BRD4: variants seen among roughly 807,000 people sequenced by gnomAD.
BRD4 encodes the protein bromodomain-containing protein 4.
A neutral mutation model predicts 142.1 loss-of-function variants in BRD4; 16 were observed. That is an observed-to-expected ratio of 0.11 (90% confidence interval 0.08 to 0.17). The LOEUF (loss-of-function observed/expected upper bound fraction) is 0.17. Ranked by LOEUF, BRD4 falls within the 10% of genes least tolerant of loss-of-function variation. BRD4 has a pLI of 1.00. For synonymous variants in BRD4, 833 were observed against 707.5 expected, an observed-to-expected ratio of 1.18 and a Z score of -2.82; for missense variants, 1,424 against 1,810.9, an observed-to-expected ratio of 0.79 and a Z score of 3.88.
chr19:15,273,816 CTTTTTTTT>C lies in BRD4; in HGVS notation c.-34-691_-34-684del, dbSNP rs920676613. Among the ~76,000 whole-genome samples, 103 of 127,390 alleles carry C rather than the reference CTTTTTTTT, an allele frequency of 8.1e-4. 1 individual carries two copies. The East Asian group carries it at 0.015, about 19-fold the overall frequency. The allele number at this position is 127,390 out of a possible 152,430, so 83.6% of individuals were successfully genotyped here. A position where few individuals can be genotyped will look rare whatever the true frequency, so the allele number is the denominator to read the frequency against. Reference sequence around the variant, plus strand: ...GAATCCATACTAGACCTACCATTTTCTTTTTTTTTTTTTTTTTTCATCTCTAGTAATAA... The same window carrying C: ...GAATCCATACTAGACCTACCATTTTCTTTTTTTTTTCATCTCTAGTAATAA... On this transcript the variant is annotated intron_variant, in intron 1 of 19. Transcript: ENST00000679869.
chr19:15,293,932 A>G (rs913092935), intron 1 of BRD4, among the ~76,000 whole-genome samples: 1 of 152,244 alleles, frequency 6.6e-6, no homozygotes, highest in African/African-American at 2.4e-5. Flanking sequence ...TTCTCTTAGC[A>G]TAATGTCTTA....
rs375082799 is a variant in BRD4, at chr19:15,254,084, G to A, written c.2158+68C>T. 9 of 1,347,138 alleles carry A rather than the reference G, an allele frequency of 6.7e-6. No homozygotes were observed. In the African/African-American group the frequency reaches 1.3e-4, roughly 19 times the overall value. The allele number at this position is 1,347,138 out of a possible 1,614,324, so 83.4% of individuals were successfully genotyped here. Reference sequence around the variant, plus strand: ...TCTGGGCTCTAGCATCCTGGACACAGGACCGAGCTAGTGCCAGGCACAGGT... The same window carrying A: ...TCTGGGCTCTAGCATCCTGGACACAAGACCGAGCTAGTGCCAGGCACAGGT... On this transcript the variant is annotated intron_variant, in intron 11 of 19. Transcript: ENST00000679869.
rs75064380 is a variant in BRD4 at position 15,290,732 on chromosome 19, T to C, written c.-34-17599A>G. Among the ~76,000 whole-genome samples the C allele has an allele frequency of 8.0e-3, 1,214 of 152,264 alleles. 5 individuals are homozygous for C. Among genetic ancestry groups the C allele is most frequent in the Non-Finnish European group, 0.013 (916 of 68,014 alleles). ...CCCGCTTCTCATCTAAGCCTGCAGTTTTCATGTTTCCAGTGTGTTCCATCT... is the reference window on the plus strand; with the variant it reads ...CCCGCTTCTCATCTAAGCCTGCAGTCTTCATGTTTCCAGTGTGTTCCATCT... On this transcript the variant is annotated intron_variant, in intron 1 of 19. Coordinates refer to ENST00000679869, the MANE Select transcript of BRD4 (RefSeq NM_001379291.1).
intron 11 of BRD4, chr19:15,247,527 G>A (rs1156958520): frequency 4.3e-6 from 1 of 233,120 alleles, no homozygotes. Flanking sequence ...CTGGAGGAGA[G>A]CTGGCTTGTG....
chr19:15,255,136 A>C (rs547094781), intron 10 of BRD4, among the ~76,000 whole-genome samples, 161 bp downstream of exon 10: 1 of 151,452 alleles, frequency 6.6e-6, no homozygotes, highest in South Asian at 2.1e-4. Context: ...GGGTGAGTGC[A>C]ATGTCACAAC....
chr19:15,258,298 G>T (rs992705930), intron 7 of BRD4, among the ~76,000 whole-genome samples: 2 of 152,132 alleles, frequency 1.3e-5, no homozygotes, highest in African/African-American at 4.8e-5. Flanking sequence ...CTCCCCTCCA[G>T]GACACCCGGA....
At chr19:15,240,144 A>C in intron 14 of BRD4, 122 bp from the exon 15 acceptor site, 2 of 1,403,092 alleles carry the variant, frequency 1.4e-6, no homozygotes, top group Non-Finnish European at 1.9e-6. Context: ...AGGCCCTGGG[A>C]CAAGGGTCCA....
chr19:15,286,245 T>C (rs954863566), intron 1 of BRD4, among the ~76,000 whole-genome samples: 2 of 152,020 alleles, frequency 1.3e-5, no homozygotes, highest in Admixed American at 1.3e-4. Context: ...GCATAGCCCC[T>C]CCCCTGCACC....
chr19:15,247,368 CCT>C, intron 11 of BRD4: 2 of 232,172 alleles, frequency 8.6e-6, no homozygotes, highest in East Asian at 6.1e-5. Flanking sequence ...TGGGCACTGT[CCT>C]CTCTGGCTGT....
chr19:15,258,868 T>TAC lies in BRD4; in HGVS notation c.1342-1697_1342-1696dup, dbSNP rs762511157. On this transcript the variant is annotated intron_variant, in intron 7 of 19. Transcript: ENST00000679869. ...GGTCTACAATGAAAAGTGCCAGGAT[T>TAC]ACAGGCATGAGCCACTGCACCCAGC... Among the ~76,000 whole-genome samples the TAC allele has an allele frequency of 3.9e-5, 6 of 152,022 alleles. No homozygotes were observed. The East Asian group carries it at 9.7e-4, about 25-fold the overall frequency.
chr19:15,297,489 G>A (rs2047832977), intron 1 of BRD4, among the ~76,000 whole-genome samples: 1 of 152,134 alleles, frequency 6.6e-6, no homozygotes. Context: ...ATCGCCTTGG[G>A]GTACTGCGGT....
At chr19:15,320,989 T>C (rs967929383) in intron 1 of BRD4, among the ~76,000 whole-genome samples, 11 of 152,220 alleles carry the variant, frequency 7.2e-5, no homozygotes, top group Admixed American at 5.2e-4. Flanking sequence ...ATCCCAACAC[T>C]TTGGGAGGCC....
At chr19:15,279,135 C>A (rs528209588) in intron 1 of BRD4, among the ~76,000 whole-genome samples, 3 of 152,276 alleles carry the variant, frequency 2.0e-5, no homozygotes, top group Non-Finnish European at 1.5e-5. Context: ...GCCACCGCAC[C>A]CGGCTAAGCA....
At chr19:15,313,946 G>A (rs2047995834) in intron 1 of BRD4, among the ~76,000 whole-genome samples, 1 of 152,246 alleles carries the variant, frequency 6.6e-6, no homozygotes, top group East Asian at 1.9e-4. Context: ...ACTCCATGAT[G>A]AGGGAGAGGG....
intron 1 of BRD4, among the ~76,000 whole-genome samples, chr19:15,296,904 A>T (rs905617787): frequency 4.0e-5 from 6 of 151,380 alleles, no homozygotes; most frequent in Non-Finnish European, 8.8e-5. Context: ...TCTCATGGAG[A>T]GTAGGCTCTG....
At chr19:15,260,898 T>C (rs2047462676) in intron 7 of BRD4, among the ~76,000 whole-genome samples, 1 of 145,510 alleles carries the variant, frequency 6.9e-6, no homozygotes, top group South Asian at 2.2e-4. Flanking sequence ...ACAGAAAAAA[T>C]GAGACAAAAA....
In BRD4 at chr19:15,255,575, G is replaced by A. The variant is rs1238456472; in HGVS notation, c.1769C>T (p.Pro590Leu). The part of the protein sequence containing the change: ...NSNVSKKEPA[P>L]MKSKPPPTYE... ...CGTGGGAGGGGGCTTGCTCTTCATG[G>A]GCGCTGGCTCCTTCTTGCTACGAAG... Residue 590 changes from proline (P) to leucine (L), a missense_variant, in exon 10 of 20, where the codon CCC becomes CTC. Coordinates refer to ENST00000679869, the MANE Select transcript of BRD4 (RefSeq NM_001379291.1). The A allele has an allele frequency of 1.2e-6, 2 of 1,606,042 alleles. No homozygotes were observed. Among genetic ancestry groups the A allele is most frequent in the Non-Finnish European group, 1.7e-6 (2 of 1,173,644 alleles).
intron 14 of BRD4, among the ~76,000 whole-genome samples, chr19:15,240,310 C>G (rs1016358278): frequency 2.6e-5 from 4 of 152,198 alleles, no homozygotes; most frequent in African/African-American, 9.7e-5. Context: ...GGCACCAGTC[C>G]TGGTGTTTGA....
At chr19:15,248,292 G>A (rs991392705) in intron 11 of BRD4, 3 of 216,034 alleles carry the variant, frequency 1.4e-5, no homozygotes, top group South Asian at 1.9e-4. Flanking sequence ...AGGGGCTGTC[G>A]TCATTCTAAG....
Sources: allele counts gnomAD v4.1 joint callset (sites outside exome capture counted in the v4.1 genomes callset), GRCh38; gene constraint gnomAD v4.1.1; transcripts MANE v1.5; gene names NCBI Gene and HGNC (gene_info 2026-07-23, HGNC 2026-07-21).